TNRC6C: variants seen among roughly 807,000 people sequenced by gnomAD.
TNRC6C encodes the protein trinucleotide repeat-containing gene 6C protein.
In TNRC6C, 20 loss-of-function variants were observed where a neutral mutation model predicts 153.7. That is an observed-to-expected ratio of 0.13 (90% CI 0.09 to 0.19). The LOEUF (loss-of-function observed/expected upper bound fraction) is 0.19, where lower values mean the gene tolerates loss of function less well. Among genes scored for constraint, TNRC6C ranks in the 10% least tolerant of loss-of-function variants. The pLI, the probability that TNRC6C is intolerant of heterozygous loss-of-function variation, is 1.00. For synonymous variants in TNRC6C, 811 were observed against 841.4 expected (o/e 0.96, Z 0.63); for missense variants, 1,987 against 2,172.0 (o/e 0.91, Z 1.69).
chr17:78,057,934 A>G (rs1266566234), intron 3 of TNRC6C, among the ~76,000 whole-genome samples: 2 of 152,182 alleles, frequency 1.3e-5, no homozygotes, highest in Non-Finnish European at 2.9e-5. Flanking sequence ...GAAAACTGGT[A>G]GTATTTTAGG....
intron 1 of TNRC6C, among the ~76,000 whole-genome samples, chr17:77,983,962 G>A (rs530098240): frequency 1.3e-5 from 2 of 152,168 alleles, no homozygotes; most frequent in Non-Finnish European, 2.9e-5. Flanking sequence ...GAAGGTAGCT[G>A]CATGTTACCT....
In TNRC6C at chr17:78,068,633, A is replaced by G. The variant is rs543868407; in HGVS notation, c.2778+710A>G. Among the ~76,000 whole-genome samples the G allele has an allele frequency of 3.9e-5, 6 of 152,244 alleles. No individual in the cohort carries two copies. The South Asian group carries it at 1.2e-3, about 32-fold the overall frequency. Reference sequence around the variant, plus strand: ...ACATGGTGAAACCCCATCTCTACTAAAAATACAAAAACTAGCTGGGCGTGG... The same window carrying G: ...ACATGGTGAAACCCCATCTCTACTAGAAATACAAAAACTAGCTGGGCGTGG... On this transcript the variant is annotated intron_variant, in intron 5 of 19. Transcript: ENST00000301624.
At chr17:78,014,690 G>C (rs1304367636) in intron 1 of TNRC6C, among the ~76,000 whole-genome samples, 2 of 150,674 alleles carry the variant, frequency 1.3e-5, no homozygotes, top group Admixed American at 6.7e-5. Context: ...TAATATGCTA[G>C]AGTAGAAAAT....
intron 2 of TNRC6C, among the ~76,000 whole-genome samples, chr17:78,047,796 T>A (rs1245708847): frequency 2.0e-5 from 3 of 152,226 alleles, no homozygotes; most frequent in African/African-American, 7.2e-5. Context: ...TGGGTTAAAT[T>A]ATTTTTTTAA....
chr17:78,019,700 TAAAAC>T (rs1379145131), intron 1 of TNRC6C, among the ~76,000 whole-genome samples: 1 of 152,198 alleles, frequency 6.6e-6, no homozygotes, highest in Non-Finnish European at 1.5e-5. Context: ...ATTTCTTAAA[TAAAAC>T]AAATGATTTG....
At chr17:78,074,301 A>AT (rs1030620695) in intron 7 of TNRC6C, among the ~76,000 whole-genome samples, 1 of 152,130 alleles carries the variant, frequency 6.6e-6, no homozygotes, top group Non-Finnish European at 1.5e-5. Flanking sequence ...GGCAACTCAC[A>AT]TTTTTTTGCC....
At chr17:78,013,131 G>C (rs559226333) in intron 1 of TNRC6C, among the ~76,000 whole-genome samples, 1 of 152,288 alleles carries the variant, frequency 6.6e-6, no homozygotes, top group Admixed American at 6.5e-5. Flanking sequence ...AGTTGAAACT[G>C]TTTTTCAGCT....
chr17:77,966,166 A>G (rs2070895313), intron 1 of TNRC6C, among the ~76,000 whole-genome samples: 1 of 152,230 alleles, frequency 6.6e-6, no homozygotes, highest in Non-Finnish European at 1.5e-5. Flanking sequence ...GGGACGGGAT[A>G]TAGTTATTGA....
At chr17:78,006,023 C>T (rs1388016344) in intron 1 of TNRC6C, among the ~76,000 whole-genome samples, 2 of 152,154 alleles carry the variant, frequency 1.3e-5, no homozygotes, top group Non-Finnish European at 2.9e-5. Context: ...CACATGCACT[C>T]TCACAGCTAA....
chr17:77,976,887 C>CCATTG (rs2071005587), intron 1 of TNRC6C, among the ~76,000 whole-genome samples: 1 of 130,280 alleles, frequency 7.7e-6, no homozygotes. Context: ...CAAGATTGCA[C>CCATTG]CATTGCACTC....
At position 78,090,684 on chromosome 17, in the gene TNRC6C, T is replaced by C. The variant is rs531899343; in HGVS notation, c.3803-756T>C. 2.0e-5 allele frequency among the ~76,000 whole-genome samples: 3 copies of C among 152,334 alleles called. No individual in the cohort carries two copies. In the East Asian group the frequency reaches 5.8e-4, roughly 29 times the overall value. On this transcript the variant is annotated intron_variant, in intron 13 of 19. Transcript: ENST00000301624. Reference sequence around the variant, plus strand: ...TAGCTTAGTGCAGGTCCTGGACAAATAACCAGGTACCTGCTTTTAGCTATA... The same window carrying C: ...TAGCTTAGTGCAGGTCCTGGACAAACAACCAGGTACCTGCTTTTAGCTATA...
At chr17:78,073,465 G>C (rs940895321) in intron 7 of TNRC6C, among the ~76,000 whole-genome samples, 10 of 152,244 alleles carry the variant, frequency 6.6e-5, no homozygotes, top group African/African-American at 2.4e-4. Context: ...GCCACCAGAA[G>C]CGTTGCCTTG....
At chr17:77,997,165 A>G (rs1019925185) in intron 1 of TNRC6C, among the ~76,000 whole-genome samples, 5 of 152,258 alleles carry the variant, frequency 3.3e-5, no homozygotes, top group Admixed American at 2.0e-4. Context: ...GGCTGCGGTA[A>G]CTCCATACTG....
At chr17:78,106,070 CTG>C (rs917750744) in exon 20 of TNRC6C, 7 of 146,664 alleles carry the variant, frequency 4.8e-5, no homozygotes, top group Non-Finnish European at 7.5e-5. Context: ...AAAAAAAAAA[CTG>C]TTGTTGAACT....
intron 1 of TNRC6C, among the ~76,000 whole-genome samples, chr17:77,984,808 G>C (rs2071136967): frequency 1.3e-5 from 2 of 151,488 alleles, no homozygotes; most frequent in Admixed American, 6.6e-5. Flanking sequence ...ATCTTCCTCT[G>C]AGTTCTTAGC....
chr17:78,063,797 G>C (rs895054765), intron 3 of TNRC6C, among the ~76,000 whole-genome samples: 2 of 152,116 alleles, frequency 1.3e-5, no homozygotes, highest in Non-Finnish European at 2.9e-5. Flanking sequence ...CTGTGTCTAT[G>C]ATGGTCAAAA....
At chr17:78,080,786 CAG>C (rs1282455037) in intron 10 of TNRC6C, among the ~76,000 whole-genome samples, 1 of 152,082 alleles carries the variant, frequency 6.6e-6, no homozygotes, top group Non-Finnish European at 1.5e-5. Context: ...AGCATTCTAG[CAG>C]AGAGGGAAAA....
chr17:78,079,088 C>T lies in TNRC6C; in HGVS notation c.3211-307C>T, dbSNP rs146732573. ...CCTGGGTGACAGAGCAAAACTCCAT[C>T]TAAAAAAAAAAAAAGCCAGGCATAG... On this transcript the variant is annotated intron_variant, in intron 9 of 19. Coordinates refer to ENST00000301624, the Ensembl canonical transcript of TNRC6C. The surrounding 1 kb of genome is among the most constrained non-coding windows in gnomAD (Gnocchi z 4.3). 8.1e-3 allele frequency among the ~76,000 whole-genome samples: 1,200 copies of T among 148,466 alleles called. 4 individuals carry two copies. The highest frequency in any genetic ancestry group is 0.013 in the Non-Finnish European group (842 of 67,204).
At chr17:78,000,618 GCCC>G (rs35005797), upstream of TNRC6C, among the ~76,000 whole-genome samples, 1 of 13,046 alleles carries the variant, frequency 7.7e-5, no homozygotes. Context: ...TTCTCCCTCC[GCCC>G]CCCCCCCCCC....
Sources: allele counts gnomAD v4.1 joint callset (sites outside exome capture counted in the v4.1 genomes callset), GRCh38; gene constraint gnomAD v4.1.1; non-coding constraint Gnocchi (gnomAD v3.1); transcripts MANE v1.5; gene names NCBI Gene and HGNC (gene_info 2026-07-23, HGNC 2026-07-21).